The following ARHGAP24 variants were observed in gnomAD, a reference collection of about 807,000 sequenced individuals.
ARHGAP24 encodes the protein rho GTPase-activating protein 24.
In ARHGAP24, 50 loss-of-function variants were observed where a neutral mutation model predicts 76.4. The ratio of observed to expected loss-of-function variants is 0.65; its 90% CI spans 0.52 to 0.83. The LOEUF (loss-of-function observed/expected upper bound fraction) is 0.83, where lower values mean the gene tolerates loss of function less well. ARHGAP24 is among the 40% of genes least tolerant of loss of function. ARHGAP24 has a pLI of 0.00. For synonymous variants in ARHGAP24, 345 were observed against 323.3 expected (o/e 1.07, Z -0.72); for missense variants, 930 against 914.2 (o/e 1.02, Z -0.22).
At chr4:85,961,635 C>T (rs530769849) in intron 5 of ARHGAP24, among the ~76,000 whole-genome samples, 1 of 152,082 alleles carries the variant, frequency 6.6e-6, no homozygotes, top group East Asian at 1.9e-4. Flanking sequence ...GTTGGGGACA[C>T]ATTAATAAGT....
intron 4 of ARHGAP24, among the ~76,000 whole-genome samples, chr4:85,933,717 C>G (rs572711233): frequency 1.6e-3 from 250 of 152,246 alleles, no homozygotes; most frequent in Non-Finnish European, 2.7e-3. Flanking sequence ...GCAGTGTAAC[C>G]GATCCCTTGA....
chr4:85,638,086 T>A (rs554567134), intron 2 of ARHGAP24, among the ~76,000 whole-genome samples: 6 of 152,236 alleles, frequency 3.9e-5, no homozygotes, highest in African/African-American at 1.4e-4. Flanking sequence ...GGCAAAGCCT[T>A]GTAATAACTT....
chr4:85,965,388 G>C (rs898505107), intron 5 of ARHGAP24, among the ~76,000 whole-genome samples: 1 of 152,094 alleles, frequency 6.6e-6, no homozygotes, highest in Non-Finnish European at 1.5e-5. Context: ...GGAATTATGA[G>C]AGCTACAAGA....
intron 3 of ARHGAP24, among the ~76,000 whole-genome samples, chr4:85,912,528 T>C (rs1051759711): frequency 6.6e-6 from 1 of 152,222 alleles, no homozygotes; most frequent in East Asian, 1.9e-4. Context: ...TGTCATTTGC[T>C]GGGTGGAATA....
intron 2 of ARHGAP24, among the ~76,000 whole-genome samples, chr4:85,680,550 G>A (rs1723168484): frequency 6.6e-6 from 1 of 151,962 alleles, no homozygotes; most frequent in Admixed American, 6.6e-5. Context: ...CCAACTTACA[G>A]TATCCTGTTT....
chr4:85,993,517 A>C (rs1740460980), intron 8 of ARHGAP24, among the ~76,000 whole-genome samples: 1 of 152,148 alleles, frequency 6.6e-6, no homozygotes, highest in Non-Finnish European at 1.5e-5. Context: ...ATTTTGAATT[A>C]TATTTCCCAG....
chr4:85,693,050 C>T (rs6823441), intron 2 of ARHGAP24, among the ~76,000 whole-genome samples: 128,557 of 152,176 alleles, frequency 0.84, 54,907 homozygotes, highest in East Asian at 0.97. Context: ...CATTGTTTCA[C>T]AGGGGAGTAT....
rs373217944 is a variant in ARHGAP24, at chr4:85,701,862, G to A, written c.181-20023G>A. The stretch of plus-strand genomic sequence containing the variant: ...AGCTTAATGGAAACATATGGTAAAT[G>A]GATTTAATAAAAATTCTTTTTTGAA... On this transcript the variant is annotated intron_variant, in intron 2 of 9. Coordinates refer to ENST00000395184, the MANE Select transcript of ARHGAP24 (RefSeq NM_001025616.3). Among the ~76,000 whole-genome samples the A allele has an allele frequency of 3.9e-5, 6 of 152,074 alleles. No individual in the cohort carries two copies. The South Asian group carries it at 6.3e-4, about 16-fold the overall frequency.
chr4:85,516,672 CTATT>C (rs1239376232), intron 1 of ARHGAP24, among the ~76,000 whole-genome samples: 1 of 115,898 alleles, frequency 8.6e-6, no homozygotes, highest in African/African-American at 3.0e-5. Context: ...GAGCTTTTAT[CTATT>C]AAAGTTTTAA....
At chr4:85,493,207 T>C (rs1389119820) in intron 1 of ARHGAP24, among the ~76,000 whole-genome samples, 2 of 152,242 alleles carry the variant, frequency 1.3e-5, no homozygotes, top group Non-Finnish European at 2.9e-5. Flanking sequence ...GTTTCTCTAC[T>C]ATAAAGTTGC....
intron 2 of ARHGAP24, among the ~76,000 whole-genome samples, chr4:85,572,148 C>T (rs73835220): frequency 0.046 from 7,078 of 152,218 alleles, 579 homozygotes; most frequent in African/African-American, 0.16. Flanking sequence ...TTACCCTCCA[C>T]GGTTCTTTTC....
intron 2 of ARHGAP24, among the ~76,000 whole-genome samples, chr4:85,587,022 A>G (rs1203743122): frequency 6.6e-6 from 1 of 152,200 alleles, no homozygotes; most frequent in Non-Finnish European, 1.5e-5. Context: ...CACTGTAACT[A>G]AAGAATAGGC....
chr4:85,600,020 A>G (rs78705297), intron 2 of ARHGAP24, among the ~76,000 whole-genome samples: 1 of 152,172 alleles, frequency 6.6e-6, no homozygotes, highest in Non-Finnish European at 1.5e-5. Flanking sequence ...TAAATAGTAT[A>G]GTTATAAACC....
chr4:85,639,077 C>A (rs1721426090), intron 2 of ARHGAP24, among the ~76,000 whole-genome samples: 2 of 152,076 alleles, frequency 1.3e-5, no homozygotes. Context: ...TTTTATGATA[C>A]AGTAGTGTGC....
intron 5 of ARHGAP24, among the ~76,000 whole-genome samples, chr4:85,962,932 AT>A (rs891484429): frequency 3.1e-4 from 47 of 149,980 alleles, no homozygotes; most frequent in African/African-American, 1.1e-3. Context: ...AGGAGCTTTG[AT>A]TTTTTTTTTC....
At chr4:85,535,744 G>A (rs1469799888) in intron 1 of ARHGAP24, among the ~76,000 whole-genome samples, 2 of 152,110 alleles carry the variant, frequency 1.3e-5, no homozygotes, top group African/African-American at 4.8e-5. Context: ...AGATGTGTAT[G>A]TATGTCTATG....
chr4:85,705,875 A>C (rs1006790384), intron 2 of ARHGAP24, among the ~76,000 whole-genome samples: 7 of 152,216 alleles, frequency 4.6e-5, no homozygotes, highest in African/African-American at 1.7e-4. Flanking sequence ...TTTAGGAGGA[A>C]TATCTGAGTC....
chr4:85,827,215 A>T lies in ARHGAP24; in HGVS notation c.269-96433A>T, dbSNP rs143022443. ...ATTCTGTCAGCTCTGAAATAAATAC[A>T]TCTTTACTATATTTTAATATGGAAG... is the stretch of plus-strand genomic sequence containing the variant. On this transcript the variant is annotated intron_variant, in intron 3 of 9. Coordinates refer to ENST00000395184, the MANE Select transcript of ARHGAP24 (RefSeq NM_001025616.3). 2.0e-5 allele frequency among the ~76,000 whole-genome samples: 3 copies of T among 152,288 alleles called. No individual in the cohort carries two copies. In the East Asian group the frequency reaches 5.8e-4, roughly 29 times the overall value.
At chr4:85,651,074 G>T (rs1191228391) in intron 2 of ARHGAP24, among the ~76,000 whole-genome samples, 1 of 149,126 alleles carries the variant, frequency 6.7e-6, no homozygotes, top group East Asian at 1.9e-4. Context: ...ATTCCAGGTG[G>T]AAGCAGCAGC....
Sources: gnomAD v4.1 joint callset for allele counts (sites outside exome capture counted in the v4.1 genomes callset) on GRCh38, gnomAD v4.1.1 for gene constraint, MANE v1.5 for transcripts, NCBI Gene and HGNC (gene_info 2026-07-23, HGNC 2026-07-21) for gene names.